DLG2: variants seen among roughly 807,000 people sequenced by gnomAD.
DLG2 encodes disks large homolog 2.
In DLG2, 45 loss-of-function variants were observed where a neutral mutation model predicts 132.5. The ratio of observed to expected loss-of-function variants is 0.34; its 90% CI spans 0.27 to 0.44. The LOEUF (loss-of-function observed/expected upper bound fraction) is 0.44. DLG2 is among the 20% of genes least tolerant of loss of function. The probability of loss-of-function intolerance (pLI) is 1.00; values close to 1 mark genes in which losing one functional copy is unlikely to be tolerated. For missense variants in DLG2, 1,045 were observed against 1,196.9 expected, an observed-to-expected ratio of 0.87 and a Z score of 1.87; for synonymous variants, 424 against 419.6, an observed-to-expected ratio of 1.01 and a Z score of -0.13.
chr11:84,993,064 G>T (rs2057298174), intron 6 of DLG2, among the ~76,000 whole-genome samples: 2 of 152,164 alleles, frequency 1.3e-5, no homozygotes, highest in African/African-American at 4.8e-5. Context: ...AGCAAATGTG[G>T]CACATATATA....
At chr11:85,021,032 CT>C in intron 6 of DLG2, 1 of 772,768 alleles carries the variant, frequency 1.3e-6, no homozygotes. Context: ...TGTTCTGTTC[CT>C]TTTCAATTTC....
chr11:83,792,985 A>G (rs1445003335), intron 17 of DLG2, among the ~76,000 whole-genome samples: 1 of 152,178 alleles, frequency 6.6e-6, no homozygotes, highest in Non-Finnish European at 1.5e-5. Flanking sequence ...CCATTCTGAT[A>G]GGTAAACAAT....
chr11:85,151,703 A>G (rs2152454790), intron 5 of DLG2, among the ~76,000 whole-genome samples: 1 of 152,254 alleles, frequency 6.6e-6, no homozygotes, highest in Non-Finnish European at 1.5e-5. Flanking sequence ...CATACATGCA[A>G]GGGTCTATTT....
intron 6 of DLG2, among the ~76,000 whole-genome samples, chr11:84,560,153 T>A (rs578046566): frequency 6.6e-6 from 1 of 152,134 alleles, no homozygotes; most frequent in Non-Finnish European, 1.5e-5. Flanking sequence ...GATACCAAAT[T>A]TGGGAATCTG....
intron 9 of DLG2, among the ~76,000 whole-genome samples, chr11:84,145,630 C>T (rs891654347): frequency 6.6e-6 from 1 of 152,010 alleles, no homozygotes; most frequent in African/African-American, 2.4e-5. Context: ...ACAAGTGATT[C>T]GCAGAAGAAA....
intron 3 of DLG2, chr11:85,525,119 T>G (rs1277845784): frequency 2.0e-5 from 3 of 152,172 alleles, no homozygotes; most frequent in Non-Finnish European, 4.4e-5. Flanking sequence ...TATATAAATT[T>G]TACCTAAAAA....
At chr11:84,021,023 A>G (rs2095374493) in intron 11 of DLG2, among the ~76,000 whole-genome samples, 1 of 152,180 alleles carries the variant, frequency 6.6e-6, no homozygotes, top group East Asian at 1.9e-4. Flanking sequence ...CAAACAATAT[A>G]GAAAGGGTAT....
intron 6 of DLG2, among the ~76,000 whole-genome samples, chr11:84,581,293 T>A (rs894442751): frequency 2.0e-5 from 3 of 152,212 alleles, no homozygotes; most frequent in Non-Finnish European, 4.4e-5. Flanking sequence ...GGTTTTTCTG[T>A]CTCTCATTTT....
chr11:84,056,676 T>C (rs1055635637), intron 11 of DLG2, among the ~76,000 whole-genome samples: 4 of 152,204 alleles, frequency 2.6e-5, no homozygotes, highest in Admixed American at 1.3e-4. Flanking sequence ...CGAGGTATCA[T>C]CAGAGTTAGT....
intron 21 of DLG2, among the ~76,000 whole-genome samples, chr11:83,508,959 G>A (rs1263845136): frequency 2.0e-5 from 3 of 152,240 alleles, no homozygotes; most frequent in African/African-American, 7.2e-5. Flanking sequence ...AATAGCTGTT[G>A]TCTGCAGTAG....
chr11:84,634,422 G>A lies in DLG2; in HGVS notation c.358-99691C>T, dbSNP rs537359682. Among the ~76,000 whole-genome samples, 31 of 152,308 alleles carry A rather than the reference G, an allele frequency of 2.0e-4. 1 individual carries two copies. The highest frequency in any genetic ancestry group is 6.0e-4 in the African/African-American group (25 of 41,572). ...ATAGTGGACTGTAACTTAACTGGAT[G>A]TGTAAACAGACTACAACCTACTCTT... is the stretch of plus-strand genomic sequence containing the variant. On this transcript the variant is annotated intron_variant, in intron 6 of 27. Transcript: ENST00000376104.
At chr11:84,504,442 G>A (rs745768481) in intron 7 of DLG2, among the ~76,000 whole-genome samples, 94 of 151,936 alleles carry the variant, frequency 6.2e-4, no homozygotes, top group Non-Finnish European at 9.9e-4. Context: ...ATTATCAAAC[G>A]CTGTTACCAC....
At chr11:85,423,201 AT>A (rs1476152068) in intron 3 of DLG2, among the ~76,000 whole-genome samples, 1 of 152,106 alleles carries the variant, frequency 6.6e-6, no homozygotes, top group Non-Finnish European at 1.5e-5. Flanking sequence ...TGTAGTGACT[AT>A]TATCACTCTT....
intron 6 of DLG2, among the ~76,000 whole-genome samples, chr11:84,930,327 G>A (rs989119782): frequency 6.6e-6 from 1 of 152,000 alleles, no homozygotes; most frequent in African/African-American, 2.4e-5. Context: ...CAAAAGTAAA[G>A]GACAACTATG....
chr11:84,935,903 A>G (rs1186059770), intron 6 of DLG2, among the ~76,000 whole-genome samples: 7 of 152,206 alleles, frequency 4.6e-5, no homozygotes, highest in Non-Finnish European at 8.8e-5. Context: ...ACTTTTGTCT[A>G]TAGGTCAGGT....
chr11:84,856,895 A>G (rs2082859273), intron 6 of DLG2, among the ~76,000 whole-genome samples: 1 of 152,072 alleles, frequency 6.6e-6, no homozygotes, highest in African/African-American at 2.4e-5. Context: ...CTGAAAAAGT[A>G]ATATAAACAA....
intron 6 of DLG2, among the ~76,000 whole-genome samples, chr11:84,568,064 G>T (rs76674156): frequency 0.052 from 7,941 of 152,114 alleles, 262 homozygotes; most frequent in African/African-American, 0.079. Context: ...AGGCCACTTT[G>T]GTTTTACCTC....
At chr11:84,995,464 T>C (rs1395831894) in intron 6 of DLG2, among the ~76,000 whole-genome samples, 1 of 152,212 alleles carries the variant, frequency 6.6e-6, no homozygotes, top group East Asian at 1.9e-4. Flanking sequence ...AAGTCAGTTA[T>C]GTACATATTT....
intron 8 of DLG2, among the ~76,000 whole-genome samples, chr11:84,203,499 G>A (rs201910842): frequency 6.8e-5 from 10 of 146,334 alleles, no homozygotes; most frequent in African/African-American, 1.5e-4. Context: ...GGAGAATGGC[G>A]TGAACCCGGG....
Sources: gnomAD v4.1 joint callset for allele counts (sites outside exome capture counted in the v4.1 genomes callset) on GRCh38, gnomAD v4.1.1 for gene constraint, MANE v1.5 for transcripts, NCBI Gene and HGNC (gene_info 2026-07-23, HGNC 2026-07-21) for gene names.